Variants in ANKRD42 observed in about 807,000 individuals in gnomAD.
ANKRD42 encodes the protein ankyrin repeat domain-containing protein 42.
Under a neutral mutation model 51.5 loss-of-function variants are expected in ANKRD42, and 43 were observed. That is an observed-to-expected ratio of 0.83 (90% CI 0.65 to 1.08). The LOEUF is 1.08. Ranked by LOEUF, ANKRD42 falls within the 50% of genes least tolerant of loss-of-function variation. The probability of loss-of-function intolerance (pLI) is 0.00; values close to 1 mark genes in which losing one functional copy is unlikely to be tolerated. For missense variants in ANKRD42, 608 were observed against 629.3 expected (o/e 0.97, Z 0.36); for synonymous variants, 203 against 213.0 (o/e 0.95, Z 0.41).
intron 7 of ANKRD42, among the ~76,000 whole-genome samples, chr11:83,229,510 A>T (rs931000909): frequency 6.6e-6 from 1 of 152,136 alleles, no homozygotes; most frequent in Non-Finnish European, 1.5e-5. Context: ...TGCTCATAGT[A>T]CATCTTTGTG....
At position 83,228,231 on chromosome 11, in the gene ANKRD42, C is replaced by CTTTT. The variant is rs11403803; in HGVS notation, c.913+394_913+397dup. On this transcript the variant is annotated intron_variant, in intron 7 of 10. Transcript: ENST00000533342. Reference sequence around the variant, plus strand: ...AAATAGAAATCATCCCTCTCTCTCTCTTTTTTTTTTTTTTTTTTTTTTTTT... The same window carrying CTTTT: ...AAATAGAAATCATCCCTCTCTCTCTCTTTTTTTTTTTTTTTTTTTTTTTTTTTTT... Among the ~76,000 whole-genome samples the CTTTT allele has an allele frequency of 1.8e-3, 104 of 59,014 alleles. 18 individuals are homozygous for CTTTT. Among genetic ancestry groups the CTTTT allele is most frequent in the Non-Finnish European group, 2.6e-3 (81 of 30,778 alleles). 38.7% of individuals were successfully genotyped at this position (59,014 alleles called of 152,430 possible).
At chr11:83,208,215 GA>G (rs370288135) in intron 3 of ANKRD42, among the ~76,000 whole-genome samples, 41 of 151,770 alleles carry the variant, frequency 2.7e-4, no homozygotes, top group African/African-American at 7.8e-4. Context: ...ATGTCTGTGG[GA>G]GGGGGGGGTC....
At chr11:83,262,789 T>A (rs966150154), downstream of ANKRD42, among the ~76,000 whole-genome samples, 1 of 152,214 alleles carries the variant, frequency 6.6e-6, no homozygotes, top group African/African-American at 2.4e-5. Context: ...ATAAGATCAT[T>A]TTCTCAGTTT....
At chr11:83,218,595 C>G (rs535104887) in intron 5 of ANKRD42, among the ~76,000 whole-genome samples, 1 of 152,310 alleles carries the variant, frequency 6.6e-6, no homozygotes, top group African/African-American at 2.4e-5. Context: ...AGGGGGCATG[C>G]AAGTAAATGG....
In ANKRD42 at chr11:83,225,031, G is replaced by A. The variant is rs769993715; in HGVS notation, c.763G>A (p.Gly255Arg). ...GTTTATCCAGGGGGCTGAGTATGAA[G>A]GAAAAGACCTAGAGGATCAGGAAAG... ...LQFIQGAEYE[G>R]KDLEDQETLA... Residue 255 changes from glycine (G) to arginine (R), a missense_variant, in exon 6 of 11, where the codon GGA becomes AGA. Physicochemically the swap from Gly to Arg is moderately radical, Grantham distance 125 (BLOSUM62 -2). Coordinates refer to ENST00000533342, the MANE Select transcript of ANKRD42 (RefSeq NM_001300975.2). The A allele has an allele frequency of 1.9e-6, 3 of 1,612,370 alleles. No individual in the cohort carries two copies. In the East Asian group the frequency reaches 6.7e-5, roughly 36 times the overall value.
downstream of ANKRD42, chr11:83,260,802 C>T: frequency 6.6e-6 from 1 of 152,126 alleles, no homozygotes; most frequent in East Asian, 1.9e-4. Context: ...ATAGATATTA[C>T]TTTGTAAGAA....
In ANKRD42 at chr11:83,209,216, A is replaced by G. The variant is rs191110298; in HGVS notation, c.331-1084A>G. Among the ~76,000 whole-genome samples, 27 of 152,332 alleles carry G rather than the reference A, an allele frequency of 1.8e-4. 1 individual carries two copies. Among genetic ancestry groups the G allele is most frequent in the African/African-American group, 5.1e-4 (21 of 41,578 alleles). Reference sequence around the variant, plus strand: ...ACTTAGCGGCAATTTATCTGTGCTCATGAAAGATGTGTCTTATAAATTATA... The same window carrying G: ...ACTTAGCGGCAATTTATCTGTGCTCGTGAAAGATGTGTCTTATAAATTATA... On this transcript the variant is annotated intron_variant, in intron 3 of 10. Coordinates refer to ENST00000533342, the MANE Select transcript of ANKRD42 (RefSeq NM_001300975.2).
rs1473289504 is a variant in ANKRD42 at position 83,213,387 on chromosome 11, A to G, written c.586+1957A>G. 5.1e-6 allele frequency: 8 copies of G among 1,572,554 alleles called. No homozygotes were observed. The South Asian group carries it at 6.6e-5, about 13-fold the overall frequency. On this transcript the variant is annotated intron_variant, in intron 5 of 10. Coordinates refer to ENST00000533342, the MANE Select transcript of ANKRD42 (RefSeq NM_001300975.2). ...CACCAACCCCAACGCCAGGCTGCGC[A>G]GTGAAGAAAATGAATAGACAGCTCA...
At chr11:83,240,161 CACA>C (rs1863344499) in intron 8 of ANKRD42, among the ~76,000 whole-genome samples, 1 of 152,240 alleles carries the variant, frequency 6.6e-6, no homozygotes, top group African/African-American at 2.4e-5. Context: ...TGCATGCAAT[CACA>C]ACAACTCCAA....
At chr11:83,254,161 TAG>T (rs973964445) in intron 11 of ANKRD42, among the ~76,000 whole-genome samples, 14 of 151,958 alleles carry the variant, frequency 9.2e-5, no homozygotes, top group Non-Finnish European at 1.5e-4. Context: ...TATTTTTTTG[TAG>T]AGAGAGGGGA....
At chr11:83,249,489 C>T (rs1300512031), downstream of ANKRD42, among the ~76,000 whole-genome samples, 4 of 152,284 alleles carry the variant, frequency 2.6e-5, no homozygotes, top group South Asian at 6.2e-4. Flanking sequence ...GGGGTGGTCA[C>T]GCAAGCTGCA....
At chr11:83,254,904 A>G (rs1863740308) in intron 11 of ANKRD42, among the ~76,000 whole-genome samples, 1 of 152,178 alleles carries the variant, frequency 6.6e-6, no homozygotes, top group Non-Finnish European at 1.5e-5. Context: ...TGGCCACTGT[A>G]AGAGAAAGCT....
Position 83,227,845 on chromosome 11 carries a change from G to A in ANKRD42, c.886G>A (p.Asp296Asn). 6.2e-7 allele frequency: 1 copy of A among 1,611,800 alleles called. No homozygotes were observed. Among genetic ancestry groups the A allele is most frequent in the African/African-American group, 1.3e-5 (1 of 74,916 alleles). The change falls in exon 7 of 11, where the codon GAT (aspartate) becomes AAT (asparagine). Residue 296 changes from aspartate (D) to asparagine (N), a missense_variant. Transcript: ENST00000533342. ...AGTAATCAATATTAATGAGCGTGCT[G>A]ATAATGGATCAACTCCTATGCATAA... ...DGVININERADNGSTPMHKAA... is the reference protein window; with the variant it reads ...DGVININERANNGSTPMHKAA...
chr11:83,262,656 T>C (rs1863993776), downstream of ANKRD42, among the ~76,000 whole-genome samples: 1 of 152,168 alleles, frequency 6.6e-6, no homozygotes, highest in South Asian at 2.1e-4. Flanking sequence ...GAGAGATGAA[T>C]GGAAAACTTT....
intron 2 of ANKRD42, among the ~76,000 whole-genome samples, chr11:83,203,396 T>C (rs1208413808): frequency 7.0e-6 from 1 of 143,026 alleles, no homozygotes; most frequent in Non-Finnish European, 1.5e-5. Flanking sequence ...TTTTCTTTCT[T>C]TTTTTTTTTT....
At chr11:83,216,570 C>T (rs1418629581) in intron 5 of ANKRD42, among the ~76,000 whole-genome samples, 11 of 151,726 alleles carry the variant, frequency 7.2e-5, no homozygotes, top group African/African-American at 1.7e-4. Context: ...GTGGTCCGCC[C>T]GCCTCGGCCT....
chr11:83,247,360 C>T (rs960029697), intron 10 of ANKRD42, among the ~76,000 whole-genome samples: 5 of 152,076 alleles, frequency 3.3e-5, no homozygotes, highest in South Asian at 2.1e-4. Flanking sequence ...TGAGCCACCG[C>T]GCCTGGCCTC....
intron 3 of ANKRD42, among the ~76,000 whole-genome samples, chr11:83,207,707 A>G (rs1862131186): frequency 6.6e-6 from 1 of 152,216 alleles, no homozygotes; most frequent in Admixed American, 6.5e-5. Flanking sequence ...ACAAATTCAG[A>G]GTGTTAAGTA....
chr11:83,202,391 A>G (rs974488430), intron 2 of ANKRD42, among the ~76,000 whole-genome samples: 34 of 152,194 alleles, frequency 2.2e-4, no homozygotes, highest in African/African-American at 8.0e-4. Flanking sequence ...TGGTTACTGT[A>G]GCCTTGTAGT....
Sources: gnomAD v4.1 joint callset for allele counts (sites outside exome capture counted in the v4.1 genomes callset) on GRCh38, gnomAD v4.1.1 for gene constraint, MANE v1.5 for transcripts, NCBI Gene and HGNC (gene_info 2026-07-23, HGNC 2026-07-21) for gene names.